Variants in RABGAP1L observed in about 807,000 individuals in gnomAD.
The protein encoded by RABGAP1L is RAB GTPase activating protein 1 like.
In RABGAP1L, 63 loss-of-function variants were observed where a neutral mutation model predicts 137.7. That is an observed-to-expected ratio of 0.46 (90% CI 0.37 to 0.56). RABGAP1L has a LOEUF of 0.56. Among genes scored for constraint, RABGAP1L ranks in the 20% least tolerant of loss-of-function variants. The pLI is 0.00. For synonymous variants in RABGAP1L, 431 were observed against 433.7 expected, an observed-to-expected ratio of 0.99 and a Z score of 0.08; for missense variants, 1,095 against 1,244.0, an observed-to-expected ratio of 0.88 and a Z score of 1.80.
chr1:174,979,236 G>A (rs1187224859), intron 23 of RABGAP1L, among the ~76,000 whole-genome samples: 1 of 152,070 alleles, frequency 6.6e-6, no homozygotes, highest in Admixed American at 6.5e-5. Flanking sequence ...TTTCTTTGGG[G>A]GAAGAAATAT....
chr1:174,748,951 C>T (rs890582421), intron 17 of RABGAP1L, among the ~76,000 whole-genome samples: 2 of 151,656 alleles, frequency 1.3e-5, no homozygotes, highest in African/African-American at 2.4e-5. Flanking sequence ...CCAAGACGGG[C>T]AGATCACTTG....
intron 13 of RABGAP1L, among the ~76,000 whole-genome samples, chr1:174,588,187 A>G (rs1210320345): frequency 6.8e-6 from 1 of 146,084 alleles, no homozygotes; most frequent in Non-Finnish European, 1.5e-5. Flanking sequence ...TTATTTAGAG[A>G]CAGTCTTGCT....
At chr1:174,868,002 G>A (rs928532431) in intron 19 of RABGAP1L, among the ~76,000 whole-genome samples, 5 of 151,254 alleles carry the variant, frequency 3.3e-5, no homozygotes, top group South Asian at 2.1e-4. Context: ...GTCTTGCTCC[G>A]TCGCCCAGGG....
intron 19 of RABGAP1L, among the ~76,000 whole-genome samples, chr1:174,875,350 T>C (rs1451031623): frequency 6.6e-6 from 1 of 152,228 alleles, no homozygotes; most frequent in East Asian, 1.9e-4. Context: ...ATAAGGGTTC[T>C]TCGTAACCAA....
At chr1:174,358,814 T>G (rs539518041) in intron 11 of RABGAP1L, among the ~76,000 whole-genome samples, 2 of 152,294 alleles carry the variant, frequency 1.3e-5, no homozygotes, top group East Asian at 1.9e-4. Context: ...CTTCACTCAT[T>G]CAGGAAATTT....
chr1:174,193,176 T>C (rs1667332411), intron 1 of RABGAP1L, among the ~76,000 whole-genome samples: 1 of 152,200 alleles, frequency 6.6e-6, no homozygotes, highest in Non-Finnish European at 1.5e-5. Context: ...AAACCTCGAA[T>C]GTTTACATCT....
intron 13 of RABGAP1L, among the ~76,000 whole-genome samples, chr1:174,562,862 G>A (rs1667315051): frequency 6.6e-6 from 1 of 152,136 alleles, no homozygotes. Context: ...GAGGGGCTGG[G>A]GGGCTAGGAG....
intron 14 of RABGAP1L, among the ~76,000 whole-genome samples, chr1:174,643,437 C>T (rs758867268): frequency 5.3e-5 from 8 of 152,140 alleles, no homozygotes; most frequent in African/African-American, 1.2e-4. Flanking sequence ...GCTTTGCCAG[C>T]ACATTCTAAT....
chr1:174,500,294 G>C (rs2149374515), intron 13 of RABGAP1L, among the ~76,000 whole-genome samples: 1 of 152,178 alleles, frequency 6.6e-6, no homozygotes, highest in East Asian at 1.9e-4. Context: ...TGGCCAGGGT[G>C]GTCTCAAACT....
intron 17 of RABGAP1L, among the ~76,000 whole-genome samples, chr1:174,707,404 T>C (rs1190621817): frequency 6.6e-6 from 1 of 152,220 alleles, no homozygotes; most frequent in African/African-American, 2.4e-5. Context: ...GTCCCTTTAG[T>C]GCTTTTATGA....
intron 13 of RABGAP1L, among the ~76,000 whole-genome samples, chr1:174,520,456 T>G (rs1181462175): frequency 6.6e-6 from 1 of 152,220 alleles, no homozygotes; most frequent in African/African-American, 2.4e-5. Context: ...TAAAAACTAT[T>G]TAACAACATC....
chr1:174,612,498 G>C (rs189182399), intron 13 of RABGAP1L, among the ~76,000 whole-genome samples: 19 of 152,174 alleles, frequency 1.2e-4, no homozygotes, highest in Non-Finnish European at 4.4e-5. Context: ...GTTCACCAAG[G>C]ATATTGGTCT....
chr1:174,946,367 C>T (rs1666764964), intron 19 of RABGAP1L, among the ~76,000 whole-genome samples: 1 of 152,076 alleles, frequency 6.6e-6, no homozygotes. Context: ...TAGCTGGGTG[C>T]AGGGGCATGT....
At position 174,612,938 on chromosome 1, in the gene RABGAP1L, C is replaced by T. The variant is rs1201979314; in HGVS notation, c.1711-24437C>T. Among the ~76,000 whole-genome samples, 15 of 151,258 alleles carry T rather than the reference C, an allele frequency of 9.9e-5. No homozygotes were observed. The East Asian group carries it at 1.9e-3, about 20-fold the overall frequency. On this transcript the variant is annotated intron_variant, in intron 13 of 25. Transcript: ENST00000681986. ...CATTTTTTATTGCGTCTATTTGATT[C>T]TTCTCTCTTTTCTTCTTTATTAGTC...
At chr1:174,697,423 C>T (rs1679341536) in intron 15 of RABGAP1L, among the ~76,000 whole-genome samples, 1 of 152,014 alleles carries the variant, frequency 6.6e-6, no homozygotes, top group African/African-American at 2.4e-5. Flanking sequence ...CCAGGTCAAG[C>T]AGTTCTCCTG....
intron 19 of RABGAP1L, among the ~76,000 whole-genome samples, chr1:174,883,599 A>G (rs1654613039): frequency 6.6e-6 from 1 of 152,190 alleles, no homozygotes; most frequent in Non-Finnish European, 1.5e-5. Context: ...GGCAATGTAG[A>G]ACCAATAGAA....
chr1:174,724,470 C>G (rs1056187573), intron 17 of RABGAP1L, among the ~76,000 whole-genome samples: 1 of 152,198 alleles, frequency 6.6e-6, no homozygotes, highest in Non-Finnish European at 1.5e-5. Flanking sequence ...AAAAAGGGAG[C>G]AGCATATGCT....
chr1:174,843,740 C>G (rs1278648310), intron 19 of RABGAP1L, among the ~76,000 whole-genome samples: 1 of 93,146 alleles, frequency 1.1e-5, no homozygotes, highest in Non-Finnish European at 2.1e-5. Flanking sequence ...TGGGTATATA[C>G]CCAGTAATGG....
At chr1:174,249,271 T>C (rs939603984) in intron 5 of RABGAP1L, among the ~76,000 whole-genome samples, 12 of 152,302 alleles carry the variant, frequency 7.9e-5, no homozygotes, top group South Asian at 2.1e-4. Flanking sequence ...TGAGTAAAAA[T>C]ACTGGTAGCT....
Sources: gnomAD v4.1 joint callset for allele counts (sites outside exome capture counted in the v4.1 genomes callset) on GRCh38, gnomAD v4.1.1 for gene constraint, MANE v1.5 for transcripts, NCBI Gene and HGNC (gene_info 2026-07-23, HGNC 2026-07-21) for gene names.